CAMK1D: variants seen among roughly 807,000 people sequenced by gnomAD.
CAMK1D encodes calcium/calmodulin-dependent protein kinase type 1D.
Under a neutral mutation model 47.7 loss-of-function variants are expected in CAMK1D, and 9 were observed. That is an observed-to-expected ratio of 0.19 (90% CI 0.11 to 0.33). The LOEUF is 0.33. Among genes scored for constraint, CAMK1D ranks in the 10% least tolerant of loss-of-function variants. The pLI is 1.00. For missense variants in CAMK1D, 291 were observed against 488.7 expected, an observed-to-expected ratio of 0.60 and a Z score of 3.81; for synonymous variants, 184 against 184.9, an observed-to-expected ratio of 0.99 and a Z score of 0.04.
chr10:12,732,153 AT>A (rs1381771413), intron 3 of CAMK1D, among the ~76,000 whole-genome samples: 1 of 152,136 alleles, frequency 6.6e-6, no homozygotes, highest in Non-Finnish European at 1.5e-5. Flanking sequence ...AGGCAGGAGA[AT>A]TGCTTGAACC....
At chr10:12,763,729 T>C (rs1836613284) in intron 4 of CAMK1D, among the ~76,000 whole-genome samples, 1 of 152,258 alleles carries the variant, frequency 6.6e-6, no homozygotes, top group South Asian at 2.1e-4. Flanking sequence ...TGGATAACAT[T>C]AACGTTACCA....
chr10:12,653,803 A>T lies in CAMK1D; in HGVS notation c.225-12933A>T, dbSNP rs117848404. ...TAAATAAATGTTGCCATACCCCAGT[A>T]GCTTTAGTGCAATGCCTAGGATCAT... On this transcript the variant is annotated intron_variant, in intron 2 of 10. Transcript: ENST00000619168. 3.3e-3 allele frequency among the ~76,000 whole-genome samples: 505 copies of T among 152,314 alleles called. 1 individual carries two copies. The highest frequency in any genetic ancestry group is 5.4e-3 in the Non-Finnish European group (365 of 68,032).
At chr10:12,563,700 G>GAGAGA (rs1564414542) in intron 2 of CAMK1D, among the ~76,000 whole-genome samples, 1,479 of 84,910 alleles carry the variant, frequency 0.017, 13 homozygotes, top group Middle Eastern at 0.034. Context: ...AGAGAGAGAG[G>GAGAGA]GAGAGAGAGG....
chr10:12,366,243 G>A (rs1340273440), intron 1 of CAMK1D, among the ~76,000 whole-genome samples: 1 of 152,152 alleles, frequency 6.6e-6, no homozygotes, highest in Non-Finnish European at 1.5e-5. Context: ...TTGTTGTATT[G>A]TTTTCATTTT....
chr10:12,376,162 C>CAAAAAAAAAAA (rs59804213), intron 1 of CAMK1D, among the ~76,000 whole-genome samples: 65 of 59,966 alleles, frequency 1.1e-3, no homozygotes, highest in African/African-American at 1.8e-3. Flanking sequence ...GACTCTGTCC[C>CAAAAAAAAAAA]AAAAAAAAAA....
At chr10:12,731,790 G>A (rs145053118) in intron 3 of CAMK1D, among the ~76,000 whole-genome samples, 361 of 152,306 alleles carry the variant, frequency 2.4e-3, no homozygotes, top group African/African-American at 8.2e-3. Context: ...GTTAGAAGGA[G>A]TGGGCTGGAA....
At chr10:12,374,240 C>T (rs1838098618) in intron 1 of CAMK1D, among the ~76,000 whole-genome samples, 1 of 109,524 alleles carries the variant, frequency 9.1e-6, no homozygotes, top group African/African-American at 3.7e-5. Flanking sequence ...AGCCTTGTGA[C>T]AGAGCGAGAC....
At chr10:12,617,968 G>T (rs1838874503) in intron 2 of CAMK1D, among the ~76,000 whole-genome samples, 1 of 152,184 alleles carries the variant, frequency 6.6e-6, no homozygotes, top group Non-Finnish European at 1.5e-5. Context: ...TGTCATTTCA[G>T]AATTATCTCT....
At chr10:12,428,740 A>G (rs1413348849) in intron 1 of CAMK1D, among the ~76,000 whole-genome samples, 1 of 152,154 alleles carries the variant, frequency 6.6e-6, no homozygotes, top group Non-Finnish European at 1.5e-5. Flanking sequence ...TTCTCTGTTG[A>G]AATTCTCACT....
At chr10:12,734,322 CAAAAAAAAA>C (rs1201573872) in intron 3 of CAMK1D, among the ~76,000 whole-genome samples, 436 of 23,578 alleles carry the variant, frequency 0.018, 13 homozygotes, top group South Asian at 0.11. Flanking sequence ...GACTCCATCT[CAAAAAAAAA>C]AAAAAAAAAA....
chr10:12,799,902 G>C (rs937741444), intron 6 of CAMK1D, among the ~76,000 whole-genome samples: 1 of 152,072 alleles, frequency 6.6e-6, no homozygotes, highest in African/African-American at 2.4e-5. Flanking sequence ...AATTTCAGTC[G>C]TGCATCAACT....
At chr10:12,374,275 A>G (rs959253688) in intron 1 of CAMK1D, among the ~76,000 whole-genome samples, 19 of 150,822 alleles carry the variant, frequency 1.3e-4, no homozygotes, top group Middle Eastern at 3.4e-3. Context: ...AAAAAAAAAA[A>G]AAAAAGAAAA....
intron 1 of CAMK1D, among the ~76,000 whole-genome samples, chr10:12,443,636 T>A (rs573594077): frequency 2.6e-5 from 4 of 152,080 alleles, no homozygotes; most frequent in African/African-American, 9.7e-5. Flanking sequence ...TTTTATTTTT[T>A]TTTTTATTTT....
chr10:12,393,360 C>G (rs4747981), intron 1 of CAMK1D, among the ~76,000 whole-genome samples: 32,156 of 151,968 alleles, frequency 0.21, 3,844 homozygotes, highest in Middle Eastern at 0.32. Flanking sequence ...AATACATTTT[C>G]TTTTAGCTCC....
chr10:12,794,744 C>T (rs912658365), intron 6 of CAMK1D, among the ~76,000 whole-genome samples: 2 of 152,014 alleles, frequency 1.3e-5, no homozygotes, highest in African/African-American at 4.8e-5. Flanking sequence ...CTGTGAGTCC[C>T]AAGCAGAAAA....
intron 1 of CAMK1D, among the ~76,000 whole-genome samples, chr10:12,496,894 G>A (rs1834556155): frequency 1.3e-5 from 2 of 152,064 alleles, no homozygotes; most frequent in South Asian, 4.2e-4. Flanking sequence ...TCCCCCCACA[G>A]CCACCTCCCA....
At chr10:12,536,631 C>T (rs763906486) in intron 1 of CAMK1D, among the ~76,000 whole-genome samples, 3 of 152,150 alleles carry the variant, frequency 2.0e-5, no homozygotes, top group Middle Eastern at 3.2e-3. Context: ...AACCTTTACT[C>T]GAAGAGGGGG....
intron 1 of CAMK1D, among the ~76,000 whole-genome samples, chr10:12,493,665 TG>T (rs1465599828): frequency 6.6e-6 from 1 of 152,102 alleles, no homozygotes; most frequent in African/African-American, 2.4e-5. Flanking sequence ...GGCTAATTTT[TG>T]TATTTTTAGT....
chr10:12,772,901 T>C (rs3781076), intron 5 of CAMK1D, among the ~76,000 whole-genome samples: 15,993 of 152,176 alleles, frequency 0.11, 1,036 homozygotes, highest in East Asian at 0.26. Flanking sequence ...GAAGAGCTTG[T>C]ATCTAGAGGA....
Sources: allele counts gnomAD v4.1 joint callset (sites outside exome capture counted in the v4.1 genomes callset), GRCh38; gene constraint gnomAD v4.1.1; transcripts MANE v1.5; gene names NCBI Gene and HGNC (gene_info 2026-07-23, HGNC 2026-07-21).